Variants in FECH observed in about 807,000 individuals in gnomAD.
FECH encodes the protein ferrochelatase, mitochondrial.
In FECH, 40 loss-of-function variants were observed where a neutral mutation model predicts 56.9. That is an observed-to-expected ratio of 0.70 (90% CI 0.55 to 0.92). The LOEUF is 0.92. Among genes scored for constraint, FECH ranks in the 40% least tolerant of loss-of-function variants. The pLI, the probability that FECH is intolerant of heterozygous loss-of-function variation, is 0.00. For missense variants in FECH, 431 were observed against 529.1 expected (o/e 0.81, Z 1.82); for synonymous variants, 175 against 198.6 (o/e 0.88, Z 1.00).
chr18:57,585,730 A>T (rs566207950), intron 1 of FECH: 1 of 152,324 alleles, frequency 6.6e-6, no homozygotes, highest in East Asian at 1.9e-4. Flanking sequence ...TTGAATAAGC[A>T]TCTTATTCGT....
chr18:57,556,604 T>C (rs980469225), intron 7 of FECH, among the ~76,000 whole-genome samples: 2 of 152,206 alleles, frequency 1.3e-5, no homozygotes, highest in Middle Eastern at 3.4e-3. Flanking sequence ...ATCCTAAAAA[T>C]GACTCCTCAG....
intron 8 of FECH, 103 bp downstream of exon 8, chr18:57,554,741 GA>G (rs2050846096): frequency 2.2e-6 from 2 of 927,116 alleles, no homozygotes; most frequent in Admixed American, 3.8e-5. Flanking sequence ...TCAGGTTATG[GA>G]AGAGCCTGAC....
At chr18:57,551,478 C>T in intron 9 of FECH, 104 bp from the exon 10 acceptor site, 1 of 869,578 alleles carries the variant, frequency 1.1e-6, no homozygotes, top group South Asian at 1.4e-5. Flanking sequence ...GATACACACA[C>T]ACAATTCAAA....
intron 2 of FECH, among the ~76,000 whole-genome samples, chr18:57,577,232 T>A (rs2051196974): frequency 6.6e-6 from 1 of 152,214 alleles, no homozygotes; most frequent in Non-Finnish European, 1.5e-5. Flanking sequence ...GCACTAAATC[T>A]GTATACACAC....
At chr18:57,559,479 G>A (rs917423015) in intron 6 of FECH, among the ~76,000 whole-genome samples, 3 of 152,092 alleles carry the variant, frequency 2.0e-5, no homozygotes, top group Admixed American at 1.3e-4. Context: ...TCTAAAGCTC[G>A]CTAATGGCTC....
In FECH at chr18:57,586,592, GCAGC is replaced by G; in HGVS notation, c.25_28del (p.Ala9ArgfsTer63). The G allele has an allele frequency of 6.6e-7, 1 of 1,521,406 alleles. No homozygotes were observed. Among genetic ancestry groups the G allele is most frequent in the Non-Finnish European group, 8.8e-7 (1 of 1,141,554 alleles). The allele number at this position is 1,521,406 out of a possible 1,614,324, so 94.2% of individuals were successfully genotyped here. On this transcript the variant is annotated frameshift_variant, in exon 1 of 11. Transcript: ENST00000262093. LOFTEE classifies it high-confidence loss of function. ...CAGGACGCCCGCGGCGCGCAGGGCC[GCAGC>G]CATGTTTGCGCCGAGTGAACGCATT...
intron 8 of FECH, 71 bp from the exon 9 acceptor site, chr18:57,554,495 C>T (rs2050843218): frequency 6.5e-7 from 1 of 1,534,466 alleles, no homozygotes; most frequent in Non-Finnish European, 9.0e-7. Flanking sequence ...CTGTTTGCCC[C>T]CCTGGGCACA....
intron 5 of FECH, among the ~76,000 whole-genome samples, chr18:57,565,577 A>G (rs1251638387): frequency 6.6e-6 from 1 of 152,052 alleles, no homozygotes; most frequent in Non-Finnish European, 1.5e-5. Context: ...TCTCAGAAAA[A>G]AAAAAAAAAA....
chr18:57,554,055 G>T (rs945382405), intron 9 of FECH, among the ~76,000 whole-genome samples: 3 of 152,182 alleles, frequency 2.0e-5, no homozygotes, highest in Non-Finnish European at 4.4e-5. Flanking sequence ...TTTAAGGAAA[G>T]CACAGGTTTC....
At chr18:57,568,715 G>C (rs2051051578) in intron 4 of FECH, among the ~76,000 whole-genome samples, 1 of 152,158 alleles carries the variant, frequency 6.6e-6, no homozygotes, top group Non-Finnish European at 1.5e-5. Flanking sequence ...ACTACTAAAA[G>C]ACAGAGAAAC....
intron 4 of FECH, 35 bp downstream of exon 4, chr18:57,571,357 T>A: frequency 6.2e-7 from 1 of 1,606,108 alleles, no homozygotes. Context: ...TCGAAAGAAC[T>A]AATCTAGTTA....
rs1188428452 is a variant in FECH, at chr18:57,546,488, T to C, written c.*4224A>G. On this transcript the variant is annotated 3_prime_UTR_variant, in exon 11 of 11. Transcript: ENST00000262093. ...ATCTCTCACCCTTTGTGGGTAATAA[T>C]AATATACTTTGGATAAGCACAATGG... 1.3e-5 allele frequency among the ~76,000 whole-genome samples: 2 copies of C among 152,142 alleles called. No homozygotes were observed. Among genetic ancestry groups the C allele is most frequent in the South Asian group, 2.1e-4 (1 of 4,826 alleles).
chr18:57,559,936 T>C (rs1186479178), intron 6 of FECH, among the ~76,000 whole-genome samples: 1 of 152,130 alleles, frequency 6.6e-6, no homozygotes, highest in Non-Finnish European at 1.5e-5. Flanking sequence ...ACCAGGGAGC[T>C]CCCTTCGTCT....
In FECH at chr18:57,551,411, ATATTT is replaced by A. The variant is rs774797955; in HGVS notation, c.1078-42_1078-38del. 10 of 1,549,450 alleles carry A rather than the reference ATATTT, an allele frequency of 6.5e-6. No homozygotes were observed. In the African/African-American group the frequency reaches 9.5e-5, roughly 15 times the overall value. ...GAGAAAAGGGAGGAAAAACACAGAT[ATATTT>A]TATTTTCCTTTTTTTTTCAAAGAAA... On this transcript the variant is annotated intron_variant, in intron 9 of 10. Transcript: ENST00000262093.
chr18:57,586,068 CGGGGGG>C (rs2051367277), intron 1 of FECH: 1 of 156,226 alleles, frequency 6.4e-6, no homozygotes, highest in Non-Finnish European at 1.4e-5. Context: ...GGCTGCCCCA[CGGGGGG>C]TCCCGCTGCT....
rs202119041 is a variant in FECH, at chr18:57,562,855, C to A, written c.705+19G>T. Reference sequence around the variant, plus strand: ...CACTAGATGCTGGGGTGACAGGCAGCTGGCAAGCACTGGCTTACCTGGATG... The same window carrying A: ...CACTAGATGCTGGGGTGACAGGCAGATGGCAAGCACTGGCTTACCTGGATG... On this transcript the variant is annotated intron_variant, in intron 6 of 10. Coordinates refer to ENST00000262093, the MANE Select transcript of FECH (RefSeq NM_000140.5). The A allele has an allele frequency of 6.2e-7, 1 of 1,603,212 alleles. No homozygotes were observed. Among genetic ancestry groups the A allele is most frequent in the African/African-American group, 1.3e-5 (1 of 74,748 alleles).
intron 1 of FECH, among the ~76,000 whole-genome samples, chr18:57,580,449 T>C (rs2051261435): frequency 1.3e-5 from 2 of 151,878 alleles, no homozygotes; most frequent in Admixed American, 6.6e-5. Context: ...ACACACCTCC[T>C]CTCCCCACCT....
chr18:57,583,903 C>T (rs957393050), intron 1 of FECH, among the ~76,000 whole-genome samples: 3 of 152,082 alleles, frequency 2.0e-5, no homozygotes, highest in Non-Finnish European at 4.4e-5. Flanking sequence ...GAAACTTCAC[C>T]GGGCACAGTG....
rs1598994601 is a variant in FECH at position 57,565,109 on chromosome 18, A to C, written c.598+1338T>G. ...CTGTCACTTGGTAGAGCCAGCCCTG[A>C]AATAAAAACCATAGTCAATCTTCTG... is the stretch of plus-strand genomic sequence containing the variant. On this transcript the variant is annotated intron_variant, in intron 5 of 10. Transcript: ENST00000262093. Among the ~76,000 whole-genome samples the C allele has an allele frequency of 2.0e-5, 3 of 152,240 alleles. No individual in the cohort carries two copies. In the East Asian group the frequency reaches 5.8e-4, roughly 29 times the overall value.
Sources: allele counts gnomAD v4.1 joint callset (sites outside exome capture counted in the v4.1 genomes callset), GRCh38; gene constraint gnomAD v4.1.1; transcripts MANE v1.5; gene names NCBI Gene and HGNC (gene_info 2026-07-23, HGNC 2026-07-21).